The following SPRY3 variants were observed in gnomAD, a reference collection of about 807,000 sequenced individuals.
The protein encoded by SPRY3 is sprouty RTK signaling antagonist 3, also known as protein sprouty homolog 3.
A neutral mutation model predicts 20.2 loss-of-function variants in SPRY3; 15 were observed. The observed-to-expected ratio is 0.74, with a 90% CI of 0.50 to 1.14. The LOEUF is 1.14. Among genes scored for constraint, SPRY3 ranks in the 50% most tolerant of loss-of-function variants. The pLI, the probability that SPRY3 is intolerant of heterozygous loss-of-function variation, is 0.00. For synonymous variants in SPRY3, 143 were observed against 136.5 expected (o/e 1.05, Z -0.33); for missense variants, 364 against 363.9 (o/e 1.00, Z 0.00).
At chrX:155,727,826 C>T (rs1241935383) in intron 2 of SPRY3, among the ~76,000 whole-genome samples, 1 of 152,086 alleles carries the variant, frequency 6.6e-6, no homozygotes, top group African/African-American at 2.4e-5. Context: ...CTTTTTCCGT[C>T]CAGCTTTGTT....
intron 2 of SPRY3, among the ~76,000 whole-genome samples, chrX:155,703,817 C>A (rs2090928555): frequency 5.3e-5 from 8 of 151,962 alleles, no homozygotes; most frequent in African/African-American, 1.9e-4. Flanking sequence ...TATGTGGTGT[C>A]TTTGTTCTCG....
At chrX:155,778,413 G>A (rs1045601689), downstream of SPRY3, 3 of 167,038 alleles carry the variant, frequency 1.8e-5, no homozygotes, top group African/African-American at 7.2e-5. Flanking sequence ...CATGCTTGCA[G>A]CCAGTTACCA....
At chrX:155,730,102 TA>T (rs1410903632) in intron 2 of SPRY3, among the ~76,000 whole-genome samples, 2 of 152,046 alleles carry the variant, frequency 1.3e-5, no homozygotes, top group South Asian at 2.1e-4. Context: ...TGTTGAAATC[TA>T]AAAAACATTT....
chrX:155,711,114 A>G (rs2090983171), intron 2 of SPRY3, among the ~76,000 whole-genome samples: 1 of 151,634 alleles, frequency 6.6e-6, no homozygotes, highest in Non-Finnish European at 1.5e-5. Flanking sequence ...ATGTTAGCCT[A>G]TAGTTTTCTT....
chrX:155,668,093 C>T (rs1410155565), intron 2 of SPRY3, among the ~76,000 whole-genome samples: 2 of 110,865 alleles, frequency 1.8e-5, no homozygotes, highest in Admixed American at 1.9e-4. Flanking sequence ...CTAGCAAGTT[C>T]ACTCCTAAAT....
intron 2 of SPRY3, among the ~76,000 whole-genome samples, chrX:155,705,318 A>G (rs2090942775): frequency 6.6e-6 from 1 of 151,428 alleles, no homozygotes; most frequent in Non-Finnish European, 1.5e-5. Context: ...GTAGACTGTG[A>G]TTTTTTGAAT....
At chrX:155,731,888 C>A (rs1195610448) in intron 2 of SPRY3, among the ~76,000 whole-genome samples, 1 of 151,952 alleles carries the variant, frequency 6.6e-6, no homozygotes, top group Non-Finnish European at 1.5e-5. Flanking sequence ...CAAGTATTAA[C>A]CAAGGAAGTG....
intron 2 of SPRY3, among the ~76,000 whole-genome samples, chrX:155,672,733 A>G (rs2068045406): frequency 9.4e-6 from 1 of 106,306 alleles, no homozygotes; most frequent in Admixed American, 1.0e-4. Context: ...CCAAAGGACT[A>G]TAAATCATGC....
chrX:155,673,521 A>T (rs2124561979), intron 2 of SPRY3, among the ~76,000 whole-genome samples: 1 of 111,742 alleles, frequency 8.9e-6, no homozygotes. Flanking sequence ...AATGCTGCCA[A>T]AGTGTGGAAT....
chrX:155,650,684 A>G (rs1557352316), intron 1 of SPRY3, among the ~76,000 whole-genome samples: 1 of 111,700 alleles, frequency 9.0e-6, no homozygotes, highest in Non-Finnish European at 1.9e-5. Context: ...CTCTCCCTTC[A>G]GGAAAGTACC....
chrX:155,738,309 T>C (rs1275207040), intron 2 of SPRY3, among the ~76,000 whole-genome samples: 3 of 151,674 alleles, frequency 2.0e-5, no homozygotes, highest in Admixed American at 6.6e-5. Flanking sequence ...GATAATTTGT[T>C]TCCACAATAT....
chrX:155,775,477 A>AT (rs1466692370), exon 4 of SPRY3: 2 of 167,146 alleles, frequency 1.2e-5, no homozygotes, highest in Non-Finnish European at 2.9e-5. Flanking sequence ...AAACTTTGCT[A>AT]TGCTATACTA....
intron 2 of SPRY3, among the ~76,000 whole-genome samples, chrX:155,765,131 T>C (rs1269419541): frequency 6.6e-6 from 1 of 152,164 alleles, no homozygotes; most frequent in East Asian, 1.9e-4. Flanking sequence ...ATTATCATAT[T>C]GGTAGATAGG....
chrX:155,695,059 G>A (rs2068114559), intron 2 of SPRY3, among the ~76,000 whole-genome samples: 1 of 111,399 alleles, frequency 9.0e-6, no homozygotes, highest in Admixed American at 9.5e-5. Flanking sequence ...TATAATTTTT[G>A]CTTTAAAAGG....
chrX:155,721,261 T>TA (rs1186171159), intron 2 of SPRY3, among the ~76,000 whole-genome samples: 15 of 150,716 alleles, frequency 1.0e-4, no homozygotes, highest in Admixed American at 6.6e-4. Flanking sequence ...GAAACCAAAA[T>TA]AAAAAAAGAA....
At chrX:155,661,060 G>A (rs1484244015) in intron 2 of SPRY3, among the ~76,000 whole-genome samples, 1 of 111,332 alleles carries the variant, frequency 9.0e-6, no homozygotes, top group African/African-American at 3.3e-5. Flanking sequence ...TTTTGTTTCT[G>A]TAATAATTTT....
At chrX:155,693,469 G>C (rs1299547189) in intron 2 of SPRY3, among the ~76,000 whole-genome samples, 2 of 111,622 alleles carry the variant, frequency 1.8e-5, no homozygotes, top group African/African-American at 6.5e-5. Flanking sequence ...TGCCTGGTGT[G>C]GTATTTTATA....
intron 2 of SPRY3, among the ~76,000 whole-genome samples, chrX:155,727,255 C>G (rs2091104345): frequency 1.3e-5 from 2 of 152,034 alleles, no homozygotes; most frequent in African/African-American, 4.8e-5. Flanking sequence ...TCATTTCAAC[C>G]TTGGTAAATC....
chrX:155,673,699 G>C (rs188993302), intron 2 of SPRY3, among the ~76,000 whole-genome samples: 343 of 112,090 alleles, frequency 3.1e-3, no homozygotes, highest in African/African-American at 0.011. Context: ...TCTTTTGCTA[G>C]TCAAAATTTA....
Sources: allele counts gnomAD v4.1 joint callset (sites outside exome capture counted in the v4.1 genomes callset), GRCh38; gene constraint gnomAD v4.1.1; transcripts MANE v1.5; gene names NCBI Gene and HGNC (gene_info 2026-07-23, HGNC 2026-07-21).